BRD10: variants seen among roughly 807,000 people sequenced by gnomAD.
The protein encoded by BRD10 is bromodomain containing 10.
chr9:5,960,106 T>G, the BRD10 span, among the ~76,000 whole-genome samples: 1 of 152,212 alleles, frequency 6.6e-6, no homozygotes, highest in African/African-American at 2.4e-5. Flanking sequence ...TTTTCTCTAC[T>G]TGACCTTTTA....
At chr9:5,931,487 T>C in the BRD10 span, among the ~76,000 whole-genome samples, 3 of 152,202 alleles carry the variant, frequency 2.0e-5, no homozygotes, top group Non-Finnish European at 4.4e-5. Flanking sequence ...AGACTGTATA[T>C]AAGGAAGGAA....
At chr9:6,007,584 A>C in the BRD10 span, 1 of 1,608,652 alleles carries the variant, frequency 6.2e-7, no homozygotes, top group Non-Finnish European at 8.5e-7. Context: ...CCTTGCAGCA[A>C]CCGCCTCCGA....
chr9:5,891,909 T>C, the BRD10 span, among the ~76,000 whole-genome samples: 11 of 152,158 alleles, frequency 7.2e-5, no homozygotes, highest in African/African-American at 2.7e-4. Context: ...TGGAAGATGT[T>C]GTGCTCAGTG....
the BRD10 span, among the ~76,000 whole-genome samples, chr9:5,944,411 G>C: frequency 5.0e-4 from 76 of 152,032 alleles, no homozygotes; most frequent in African/African-American, 1.7e-3. Flanking sequence ...AGCAGATAAA[G>C]GTTCTTTAAA....
chr9:5,897,635 T>A, the BRD10 span: 1 of 1,614,070 alleles, frequency 6.2e-7, no homozygotes, highest in East Asian at 2.2e-5. Context: ...GAAGACGAAA[T>A]GGATACAGAG....
At chr9:5,885,962 T>G in the BRD10 span, among the ~76,000 whole-genome samples, 1 of 152,144 alleles carries the variant, frequency 6.6e-6, no homozygotes, top group African/African-American at 2.4e-5. Flanking sequence ...AACCCTGAAG[T>G]TCAGGTAGAA....
chr9:5,920,167 G>T, the BRD10 span: 6 of 1,613,968 alleles, frequency 3.7e-6, no homozygotes, highest in South Asian at 1.1e-5. Context: ...ATGCTAGTGT[G>T]ATCTTCTGGG....
the BRD10 span, among the ~76,000 whole-genome samples, chr9:5,930,324 A>G: frequency 2.7e-5 from 4 of 149,434 alleles, no homozygotes; most frequent in African/African-American, 9.8e-5. Context: ...TAGAGCAAAA[A>G]CTATTACAAA....
At chr9:5,892,498 C>CATCTATGGTTAA in the BRD10 span, 1 of 1,613,860 alleles carries the variant, frequency 6.2e-7, no homozygotes, top group South Asian at 1.1e-5. Flanking sequence ...ATGCTCACTT[C>CATCTATGGTTAA]ATCTATGGTT....
chr9:5,984,197 T>C, the BRD10 span, among the ~76,000 whole-genome samples: 1 of 152,024 alleles, frequency 6.6e-6, no homozygotes, highest in Non-Finnish European at 1.5e-5. Flanking sequence ...GGTAAAGGTG[T>C]GGATTAAATA....
At chr9:5,929,094 A>G in the BRD10 span, 1 of 1,608,962 alleles carries the variant, frequency 6.2e-7, no homozygotes, top group Non-Finnish European at 8.5e-7. Context: ...GCAGCAATTC[A>G]TTTAAAAGAC....
the BRD10 span, among the ~76,000 whole-genome samples, chr9:6,001,725 C>T: frequency 9.9e-5 from 15 of 152,188 alleles, no homozygotes; most frequent in African/African-American, 2.9e-4. Context: ...TCAAAAACTA[C>T]AATCTCTTGA....
At chr9:5,931,462 T>C in the BRD10 span, among the ~76,000 whole-genome samples, 1 of 152,236 alleles carries the variant, frequency 6.6e-6, no homozygotes, top group Non-Finnish European at 1.5e-5. Context: ...TGGAGAAATA[T>C]ACTACTGAAC....
the BRD10 span, chr9:5,968,926 G>C: frequency 6.2e-7 from 1 of 1,612,424 alleles, no homozygotes; most frequent in Non-Finnish European, 8.5e-7. Flanking sequence ...CATACACAAA[G>C]TCACAAAGAC....
chr9:5,952,004 T>C, the BRD10 span, among the ~76,000 whole-genome samples: 1 of 125,794 alleles, frequency 7.9e-6, no homozygotes, highest in Non-Finnish European at 1.8e-5. Context: ...AAGAGACTTA[T>C]TTATTTATTT....
At chr9:5,945,081 A>G in the BRD10 span, 1 of 457,518 alleles carries the variant, frequency 2.2e-6, no homozygotes. Flanking sequence ...AATAGTAAAA[A>G]GCAAGAAAAG....
chr9:5,923,060 T>C, the BRD10 span: 7 of 1,614,040 alleles, frequency 4.3e-6, no homozygotes, highest in South Asian at 1.1e-5. Flanking sequence ...TGGCTCTGTA[T>C]GCTTTGATTC....
chr9:6,002,955 G>A, the BRD10 span, among the ~76,000 whole-genome samples: 1 of 152,116 alleles, frequency 6.6e-6, no homozygotes, highest in Non-Finnish European at 1.5e-5. Flanking sequence ...TAAGTGCCGG[G>A]ATTACAGGCG....
the BRD10 span, among the ~76,000 whole-genome samples, chr9:6,002,052 G>C: frequency 1.3e-5 from 2 of 152,222 alleles, no homozygotes; most frequent in African/African-American, 4.8e-5. Context: ...ATTTCAGGAT[G>C]TTGTGAAAAT....
Sources: gnomAD v4.1 joint callset for allele counts (sites outside exome capture counted in the v4.1 genomes callset) on GRCh38, gnomAD v4.1.1 for gene constraint, MANE v1.5 for transcripts, NCBI Gene and HGNC (gene_info 2026-07-23, HGNC 2026-07-21) for gene names.